SYTL2: variants seen among roughly 807,000 people sequenced by gnomAD.
The protein encoded by SYTL2 is synaptotagmin like 2.
A neutral mutation model predicts 198.7 loss-of-function variants in SYTL2; 165 were observed. The ratio of observed to expected loss-of-function variants is 0.83; its 90% confidence interval spans 0.73 to 0.94. The LOEUF is 0.94. Among genes scored for constraint, SYTL2 ranks in the 40% least tolerant of loss-of-function variants. SYTL2 has a pLI of 0.00. For missense variants in SYTL2, 2,835 were observed against 2,582.8 expected, an observed-to-expected ratio of 1.10 and a Z score of -2.12; for synonymous variants, 966 against 917.7, an observed-to-expected ratio of 1.05 and a Z score of -0.95.
the SYTL2 span, among the ~76,000 whole-genome samples, chr11:85,816,948 A>T: frequency 6.6e-6 from 1 of 151,410 alleles, no homozygotes; most frequent in Non-Finnish European, 1.5e-5. Flanking sequence ...CCATCTTATA[A>T]GAGAGTCTTT....
chr11:85,824,529 T>C, the SYTL2 span, among the ~76,000 whole-genome samples: 360 of 152,318 alleles, frequency 2.4e-3, 6 homozygotes, highest in African/African-American at 8.5e-3. Context: ...TGTCTTGGGG[T>C]AGAATGGTTT....
At chr11:85,797,949 G>C (rs1294895877) in intron 1 of SYTL2, among the ~76,000 whole-genome samples, 1 of 151,868 alleles carries the variant, frequency 6.6e-6, no homozygotes, top group African/African-American at 2.4e-5. Flanking sequence ...TACCTCCCAG[G>C]TTCAAGAGAT....
chr11:85,846,916 T>C, the SYTL2 span, among the ~76,000 whole-genome samples: 2 of 151,702 alleles, frequency 1.3e-5, no homozygotes, highest in Non-Finnish European at 2.9e-5. Flanking sequence ...GTATTTTCAG[T>C]AGAGATGGGG....
At chr11:85,778,218 T>C (rs2092492423) in intron 1 of SYTL2, among the ~76,000 whole-genome samples, 1 of 152,178 alleles carries the variant, frequency 6.6e-6, no homozygotes, top group Non-Finnish European at 1.5e-5. Context: ...GAGATGAAAT[T>C]CACAGGTGTA....
chr11:85,718,746 A>G, intron 10 of SYTL2, 44 bp downstream of exon 10: 1 of 1,590,638 alleles, frequency 6.3e-7, no homozygotes, highest in Non-Finnish European at 8.6e-7. Flanking sequence ...ATCACCCCAG[A>G]AGTTAATACA....
intron 11 of SYTL2, among the ~76,000 whole-genome samples, chr11:85,715,747 ATGTG>A (rs1280845250): frequency 6.6e-6 from 1 of 152,116 alleles, no homozygotes; most frequent in Admixed American, 6.5e-5. Context: ...TGAAACAACA[ATGTG>A]TGTGTATTAG....
At chr11:85,780,990 G>A (rs1218540553) in intron 1 of SYTL2, among the ~76,000 whole-genome samples, 1 of 152,142 alleles carries the variant, frequency 6.6e-6, no homozygotes, top group Non-Finnish European at 1.5e-5. Flanking sequence ...TGGTATGTGT[G>A]GGGAAAACCC....
chr11:85,707,956 C>CA (rs11464135), intron 14 of SYTL2: 6,839 of 85,700 alleles, frequency 0.08, 928 homozygotes, highest in African/African-American at 0.28. Flanking sequence ...AGGCTGGTCT[C>CA]AAAAAAAAAA....
At chr11:85,821,473 T>C in the SYTL2 span, among the ~76,000 whole-genome samples, 1 of 152,120 alleles carries the variant, frequency 6.6e-6, no homozygotes, top group Non-Finnish European at 1.5e-5. Flanking sequence ...CAAGCCGTGA[T>C]TGAGAGACAC....
At chr11:85,811,596 G>A (rs755722549), upstream of SYTL2, among the ~76,000 whole-genome samples, 2 of 152,062 alleles carry the variant, frequency 1.3e-5, no homozygotes, top group African/African-American at 4.8e-5. Flanking sequence ...TTAACCCTCG[G>A]GACGTCAATT....
the SYTL2 span, among the ~76,000 whole-genome samples, chr11:85,818,688 T>TCTATCTATCTATCTATCTATCTAC: frequency 4.0e-5 from 6 of 151,088 alleles, no homozygotes; most frequent in Admixed American, 2.0e-4. Context: ...TATCTATCTA[T>TCTATCTATCTATCTATCTATCTAC]CTACCTATCT....
At chr11:85,720,257 AT>A (rs1479028915) in intron 9 of SYTL2, among the ~76,000 whole-genome samples, 1 of 152,218 alleles carries the variant, frequency 6.6e-6, no homozygotes, top group East Asian at 1.9e-4. Flanking sequence ...CCAGGGACTA[AT>A]TCAACTCCGT....
At chr11:85,824,652 A>C in the SYTL2 span, among the ~76,000 whole-genome samples, 1 of 152,222 alleles carries the variant, frequency 6.6e-6, no homozygotes, top group Non-Finnish European at 1.5e-5. Context: ...AGGCCATAGC[A>C]AAGATTTCTC....
At chr11:85,770,773 G>A (rs866772720) in intron 1 of SYTL2, among the ~76,000 whole-genome samples, 3 of 152,198 alleles carry the variant, frequency 2.0e-5, no homozygotes, top group Middle Eastern at 3.4e-3. Context: ...AACTGCTCCT[G>A]CAGCCCATTT....
intron 1 of SYTL2, among the ~76,000 whole-genome samples, chr11:85,804,237 T>G (rs887146378): frequency 1.3e-5 from 2 of 152,238 alleles, no homozygotes; most frequent in Non-Finnish European, 1.5e-5. Context: ...AAGCCCATTT[T>G]CAAGGGTTAT....
chr11:85,736,180 G>T (rs1283347985), intron 6 of SYTL2, among the ~76,000 whole-genome samples: 1 of 152,154 alleles, frequency 6.6e-6, no homozygotes, highest in Non-Finnish European at 1.5e-5. Context: ...CACACAGTAG[G>T]CATCTAATAA....
intron 17 of SYTL2, 85 bp from the exon 18 acceptor site, chr11:85,698,163 C>A: frequency 2.3e-6 from 2 of 864,062 alleles, no homozygotes; most frequent in Non-Finnish European, 3.9e-6. Context: ...TAAAAATGTT[C>A]TGGCATGGAG....
At chr11:85,847,359 C>T in the SYTL2 span, among the ~76,000 whole-genome samples, 3 of 152,070 alleles carry the variant, frequency 2.0e-5, no homozygotes, top group Admixed American at 2.0e-4. Flanking sequence ...CAGGTTGTTG[C>T]ATGTATCAAT....
the SYTL2 span, among the ~76,000 whole-genome samples, chr11:85,823,224 G>A: frequency 6.6e-6 from 1 of 152,240 alleles, no homozygotes; most frequent in African/African-American, 2.4e-5. Context: ...ACACATAGTA[G>A]GCACTGGATA....
Sources: allele counts gnomAD v4.1 joint callset (sites outside exome capture counted in the v4.1 genomes callset), GRCh38; gene constraint gnomAD v4.1.1; transcripts MANE v1.5; gene names NCBI Gene and HGNC (gene_info 2026-07-23, HGNC 2026-07-21).